Variants in ANO2 observed in about 807,000 individuals in gnomAD.
ANO2 encodes anoctamin-2.
A neutral mutation model predicts 124.2 loss-of-function variants in ANO2; 101 were observed. The observed-to-expected ratio is 0.81, with a 90% confidence interval of 0.69 to 0.96. ANO2 has a LOEUF of 0.96. Among genes scored for constraint, ANO2 ranks in the 40% least tolerant of loss-of-function variants. ANO2 has a pLI of 0.00. For synonymous variants in ANO2, 486 were observed against 482.5 expected, an observed-to-expected ratio of 1.01 and a Z score of -0.09; for missense variants, 1,293 against 1,274.5, an observed-to-expected ratio of 1.01 and a Z score of -0.22.
chr12:5,760,433 T>C (rs921603022), intron 10 of ANO2, among the ~76,000 whole-genome samples: 1 of 152,186 alleles, frequency 6.6e-6, no homozygotes, highest in African/African-American at 2.4e-5. Context: ...GTGAATAGAA[T>C]CTTATTTCAA....
At chr12:5,841,596 C>A (rs950907245) in intron 4 of ANO2, among the ~76,000 whole-genome samples, 2 of 152,226 alleles carry the variant, frequency 1.3e-5, no homozygotes, top group African/African-American at 4.8e-5. Context: ...GCCCCTGCCC[C>A]TCTCTCTGAG....
intron 23 of ANO2, among the ~76,000 whole-genome samples, chr12:5,570,442 T>C (rs7137223): frequency 0.41 from 62,562 of 151,544 alleles, 13,489 homozygotes; most frequent in Middle Eastern, 0.5. Flanking sequence ...AAATGACATG[T>C]CATTAAACCT....
intron 20 of ANO2, among the ~76,000 whole-genome samples, chr12:5,589,624 C>G (rs188840742): frequency 2.0e-5 from 3 of 152,084 alleles, no homozygotes; most frequent in African/African-American, 7.2e-5. Context: ...TTTGAAGAAT[C>G]GGCCCTTGGG....
intron 1 of ANO2, among the ~76,000 whole-genome samples, chr12:5,932,124 A>G (rs1486497845): frequency 7.0e-6 from 1 of 143,228 alleles, no homozygotes. Context: ...GTAAGGAAGG[A>G]AGACTGGTAA....
intron 14 of ANO2, among the ~76,000 whole-genome samples, chr12:5,722,518 A>C (rs1471372855): frequency 2.0e-5 from 3 of 152,220 alleles, no homozygotes; most frequent in Non-Finnish European, 4.4e-5. Context: ...AAAATAAAAA[A>C]TAAAAACTAA....
chr12:5,633,068 T>C (rs1221678187), intron 16 of ANO2, among the ~76,000 whole-genome samples: 1 of 152,212 alleles, frequency 6.6e-6, no homozygotes, highest in Non-Finnish European at 1.5e-5. Context: ...TGGTGTTTCC[T>C]CCATGCGGTG....
chr12:5,605,950 A>G lies in ANO2; in HGVS notation c.2088-6321T>C, dbSNP rs146379138. Among the ~76,000 whole-genome samples, 79 of 152,318 alleles carry G rather than the reference A, an allele frequency of 5.2e-4. 2 individuals carry two copies. In the East Asian group the frequency reaches 0.014, roughly 28 times the overall value. Reference sequence around the variant, plus strand: ...TCGGCCACAACTGTGTCAGGCCCCAAGAGCCTGGGGTTGTGTGAGTGGGGA... The same window carrying G: ...TCGGCCACAACTGTGTCAGGCCCCAGGAGCCTGGGGTTGTGTGAGTGGGGA... On this transcript the variant is annotated intron_variant, in intron 19 of 24. Transcript: ENST00000682330.
intron 16 of ANO2, among the ~76,000 whole-genome samples, chr12:5,626,642 A>G (rs1407731993): frequency 1.3e-5 from 2 of 150,648 alleles, no homozygotes; most frequent in Non-Finnish European, 1.5e-5. Flanking sequence ...TTCCCCTTGG[A>G]TGGTTCAAAG....
At chr12:5,913,871 C>T (rs1043278153) in intron 3 of ANO2, among the ~76,000 whole-genome samples, 1 of 152,168 alleles carries the variant, frequency 6.6e-6, no homozygotes, top group African/African-American at 2.4e-5. Context: ...GAAAGTCACC[C>T]CGACCTCTTC....
rs185284244 is a variant in ANO2 at position 5,712,145 on chromosome 12, C to A, written c.1545+20375G>T. 3.3e-4 allele frequency among the ~76,000 whole-genome samples: 51 copies of A among 152,290 alleles called. No homozygotes were observed. In the East Asian group the frequency reaches 8.9e-3, roughly 27 times the overall value. On this transcript the variant is annotated intron_variant, in intron 14 of 24. Coordinates refer to ENST00000682330, the MANE Select transcript of ANO2 (RefSeq NM_001364791.2). ...GGAAAGATAGGAGTATCAATTAATG[C>A]TTTAAAACATCTATAGTAAAATTTC...
chr12:5,761,221 C>A (rs575180645), intron 10 of ANO2, among the ~76,000 whole-genome samples: 1 of 152,136 alleles, frequency 6.6e-6, no homozygotes, highest in South Asian at 2.1e-4. Flanking sequence ...AATCTTACTA[C>A]GTCTCTGAAA....
intron 7 of ANO2, among the ~76,000 whole-genome samples, chr12:5,817,635 A>G (rs552337042): frequency 6.6e-6 from 1 of 152,176 alleles, no homozygotes; most frequent in Non-Finnish European, 1.5e-5. Context: ...ACATTCAGGA[A>G]AAGGAAACAG....
At chr12:5,911,638 AG>A (rs1200659966) in intron 3 of ANO2, among the ~76,000 whole-genome samples, 1 of 152,246 alleles carries the variant, frequency 6.6e-6, no homozygotes, top group Non-Finnish European at 1.5e-5. Context: ...CAGTCGTACC[AG>A]GAATACCAGT....
At chr12:5,838,919 T>A (rs1373975332) in intron 4 of ANO2, among the ~76,000 whole-genome samples, 1 of 152,226 alleles carries the variant, frequency 6.6e-6, no homozygotes, top group Non-Finnish European at 1.5e-5. Flanking sequence ...GAGCAAGTCA[T>A]ACCCTTCTCC....
Position 5,932,416 on chromosome 12 carries a change from A to C in ANO2, c.23-9612T>G, listed in dbSNP as rs551215082. On this transcript the variant is annotated intron_variant, in intron 1 of 24. Coordinates refer to ENST00000682330, the MANE Select transcript of ANO2 (RefSeq NM_001364791.2). The stretch of plus-strand genomic sequence containing the variant: ...AAAGAAGATAGACTAGTAAGGAAGG[A>C]AGACTGGTAAGAAAGTGACTAATAA... 6.1e-5 allele frequency among the ~76,000 whole-genome samples: 9 copies of C among 148,100 alleles called. 1 individual carries two copies. In the East Asian group the frequency reaches 1.7e-3, roughly 27 times the overall value.
chr12:5,816,076 T>C (rs1293917291), intron 7 of ANO2, among the ~76,000 whole-genome samples: 1 of 151,874 alleles, frequency 6.6e-6, no homozygotes, highest in East Asian at 1.9e-4. Flanking sequence ...ATACAAAAGA[T>C]AATCTGAGGG....
At chr12:5,655,084 C>A (rs143768321) in intron 14 of ANO2, among the ~76,000 whole-genome samples, 1 of 152,286 alleles carries the variant, frequency 6.6e-6, no homozygotes, top group East Asian at 1.9e-4. Flanking sequence ...CTACGCAAGT[C>A]CCCTATTCTT....
intron 1 of ANO2, among the ~76,000 whole-genome samples, chr12:5,941,252 T>C (rs770492640): frequency 3.0e-4 from 46 of 152,216 alleles, no homozygotes; most frequent in Non-Finnish European, 5.9e-5. Flanking sequence ...CATTTTATGG[T>C]ATGTGAATTG....
intron 10 of ANO2, among the ~76,000 whole-genome samples, chr12:5,794,121 A>G (rs1170505433): frequency 6.6e-6 from 1 of 152,200 alleles, no homozygotes; most frequent in Non-Finnish European, 1.5e-5. Flanking sequence ...TCAGAGGTAA[A>G]GGAAGAATAG....
Sources: gnomAD v4.1 joint callset for allele counts (sites outside exome capture counted in the v4.1 genomes callset) on GRCh38, gnomAD v4.1.1 for gene constraint, MANE v1.5 for transcripts, NCBI Gene and HGNC (gene_info 2026-07-23, HGNC 2026-07-21) for gene names.